Variants in CARMIL1 observed in about 807,000 individuals in gnomAD.
CARMIL1 encodes capping protein regulator and myosin 1 linker 1.
A neutral mutation model predicts 177.1 loss-of-function variants in CARMIL1; 90 were observed. That is an observed-to-expected ratio of 0.51 (90% confidence interval 0.43 to 0.61). The LOEUF is 0.61. CARMIL1 is among the 20% of genes least tolerant of loss of function. The probability of loss-of-function intolerance (pLI) is 0.00; values close to 1 mark genes in which losing one functional copy is unlikely to be tolerated. For missense variants in CARMIL1, 1,380 were observed against 1,667.0 expected (o/e 0.83, Z 3.00); for synonymous variants, 577 against 606.2 (o/e 0.95, Z 0.71).
At chr6:25,463,840 T>G (rs1800341700) in intron 8 of CARMIL1, among the ~76,000 whole-genome samples, 2 of 147,782 alleles carry the variant, frequency 1.4e-5, no homozygotes, top group South Asian at 2.2e-4. Context: ...TTTTTTTTTT[T>G]GAGACGGAGT....
chr6:25,391,388 G>A (rs1030121638), intron 2 of CARMIL1, among the ~76,000 whole-genome samples: 6 of 152,176 alleles, frequency 3.9e-5, no homozygotes, highest in African/African-American at 1.2e-4. Flanking sequence ...CCTAGGATAT[G>A]GTGGTGATAA....
intron 2 of CARMIL1, among the ~76,000 whole-genome samples, chr6:25,409,711 G>C (rs563937226): frequency 3.2e-4 from 48 of 152,168 alleles, no homozygotes; most frequent in Admixed American, 5.2e-4. Flanking sequence ...TTGATTTCGA[G>C]AATTGTGCAC....
intron 32 of CARMIL1, 83 bp from the exon 33 acceptor site, chr6:25,600,231 C>T (rs986603692): frequency 2.9e-5 from 37 of 1,296,314 alleles, no homozygotes; most frequent in Non-Finnish European, 3.9e-5. Flanking sequence ...ATGTAGCAAT[C>T]TCCATATTTA....
At chr6:25,459,273 T>TTCTTTTCTTTTCTTCTTTC (rs1799907153) in intron 8 of CARMIL1, among the ~76,000 whole-genome samples, 1 of 132,758 alleles carries the variant, frequency 7.5e-6, no homozygotes, top group African/African-American at 3.0e-5. Flanking sequence ...TTTCTTTTTT[T>TTCTTTTCTTTTCTTCTTTC]TTTTTTTAAG....
intron 4 of CARMIL1, among the ~76,000 whole-genome samples, chr6:25,430,220 G>A (rs185395850): frequency 8.7e-6 from 1 of 115,054 alleles, no homozygotes; most frequent in Admixed American, 1.0e-4. Flanking sequence ...TTATTGGTTT[G>A]TCTTTTTTTT....
intron 23 of CARMIL1, among the ~76,000 whole-genome samples, chr6:25,524,452 G>T (rs1052411295): frequency 2.4e-4 from 37 of 152,160 alleles, no homozygotes; most frequent in African/African-American, 8.0e-4. Flanking sequence ...CAAAGCCTCT[G>T]GCATATACAG....
intron 31 of CARMIL1, among the ~76,000 whole-genome samples, chr6:25,593,866 C>T (rs1293660099): frequency 6.6e-6 from 1 of 152,150 alleles, no homozygotes; most frequent in African/African-American, 2.4e-5. Flanking sequence ...CTGTTAATCA[C>T]AGACAAGAGG....
At chr6:25,435,115 A>G (rs1446919681) in intron 4 of CARMIL1, among the ~76,000 whole-genome samples, 1 of 152,198 alleles carries the variant, frequency 6.6e-6, no homozygotes, top group Non-Finnish European at 1.5e-5. Context: ...TTCAGTCTCT[A>G]TCATATGGGA....
In CARMIL1 at chr6:25,332,714, A is replaced by G. The variant is rs192195651; in HGVS notation, c.138+47805A>G. Among the ~76,000 whole-genome samples the G allele has an allele frequency of 5.3e-3, 774 of 147,164 alleles. 42 individuals carry two copies. Among genetic ancestry groups the G allele is most frequent in the Admixed American group, 0.049 (723 of 14,664 alleles). On this transcript the variant is annotated intron_variant, in intron 2 of 36. Transcript: ENST00000329474. The stretch of plus-strand genomic sequence containing the variant: ...AGGGTAGAGATTCTGTCTCCATTCC[A>G]TAGCACCACCCACCATGCAAACATG...
At chr6:25,345,480 C>T (rs1787411422) in intron 2 of CARMIL1, among the ~76,000 whole-genome samples, 1 of 152,194 alleles carries the variant, frequency 6.6e-6, no homozygotes, top group South Asian at 2.1e-4. Context: ...GGACATCTCT[C>T]CTGGGATGCG....
chr6:25,424,319 T>C (rs1239229297), intron 3 of CARMIL1, among the ~76,000 whole-genome samples: 1 of 152,202 alleles, frequency 6.6e-6, no homozygotes, highest in African/African-American at 2.4e-5. Flanking sequence ...ATGTCACCAC[T>C]CTTTCCTGGC....
chr6:25,400,966 A>C (rs1235372492), intron 2 of CARMIL1, among the ~76,000 whole-genome samples: 1 of 150,882 alleles, frequency 6.6e-6, no homozygotes, highest in Non-Finnish European at 1.5e-5. Context: ...AAATTCCAAG[A>C]AGCAAAAGAA....
chr6:25,345,992 A>G (rs1177362240), intron 2 of CARMIL1, among the ~76,000 whole-genome samples: 3 of 152,338 alleles, frequency 2.0e-5, no homozygotes, highest in African/African-American at 7.2e-5. Context: ...AAACGTATCC[A>G]GAGTTGATTT....
chr6:25,523,086 AC>A (rs1806735729), intron 23 of CARMIL1, among the ~76,000 whole-genome samples: 1 of 152,216 alleles, frequency 6.6e-6, no homozygotes, highest in African/African-American at 2.4e-5. Context: ...GGTGTGAGCC[AC>A]CATGCCTGGT....
At position 25,539,961 on chromosome 6, in the gene CARMIL1, A is replaced by G. The variant is rs1808724014; in HGVS notation, c.2211A>G (p.Leu737=). 3 of 1,587,510 alleles carry G rather than the reference A, an allele frequency of 1.9e-6. No homozygotes were observed. Among genetic ancestry groups the G allele is most frequent in the South Asian group, 1.2e-5 (1 of 85,450 alleles). Residue 737 remains leucine, a synonymous_variant, in exon 26 of 37, where the codon TTA becomes TTG. Coordinates refer to ENST00000329474, the MANE Select transcript of CARMIL1 (RefSeq NM_017640.6). Reference sequence around the variant, plus strand: ...TTCTCTTACAGTTGTTACCAAATTTATACCATGTTGGTGGTGCATCTTGGG... The same window carrying G: ...TTCTCTTACAGTTGTTACCAAATTTGTACCATGTTGGTGGTGCATCTTGGG... The part of the protein sequence containing the change: ...AKNSKTLLPN[L]YHVGGASWAG...
At chr6:25,424,915 T>C (rs753733739) in intron 3 of CARMIL1, among the ~76,000 whole-genome samples, 2 of 152,164 alleles carry the variant, frequency 1.3e-5, no homozygotes, top group South Asian at 4.1e-4. Flanking sequence ...GGCCAGCCAG[T>C]GGGCTTAACT....
In CARMIL1 at chr6:25,575,316, G is replaced by A. The variant is rs566398403; in HGVS notation, c.2743-5608G>A. ...AAAAAGTTGAAATGTCTGTTGCCACGCTTTCCTTCTTCGTGGGAACATTTT... is the reference window on the plus strand; with the variant it reads ...AAAAAGTTGAAATGTCTGTTGCCACACTTTCCTTCTTCGTGGGAACATTTT... On this transcript the variant is annotated intron_variant, in intron 29 of 36. Coordinates refer to ENST00000329474, the MANE Select transcript of CARMIL1 (RefSeq NM_017640.6). Among the ~76,000 whole-genome samples, 3 of 152,318 alleles carry A rather than the reference G, an allele frequency of 2.0e-5. No homozygotes were observed. In the South Asian group the frequency reaches 6.2e-4, roughly 32 times the overall value.
chr6:25,611,299 A>G (rs1384157515), intron 36 of CARMIL1, among the ~76,000 whole-genome samples: 1 of 152,250 alleles, frequency 6.6e-6, no homozygotes, highest in Non-Finnish European at 1.5e-5. Context: ...AAATAGAGAA[A>G]CTAAAGCTTT....
At chr6:25,376,966 C>T (rs1248274622) in intron 2 of CARMIL1, among the ~76,000 whole-genome samples, 2 of 152,208 alleles carry the variant, frequency 1.3e-5, no homozygotes, top group African/African-American at 2.4e-5. Flanking sequence ...CTTCCAATTA[C>T]ACTCCTGACC....
Sources: allele counts gnomAD v4.1 joint callset (sites outside exome capture counted in the v4.1 genomes callset), GRCh38; gene constraint gnomAD v4.1.1; transcripts MANE v1.5; gene names NCBI Gene and HGNC (gene_info 2026-07-23, HGNC 2026-07-21).